Variants in SENP5 observed in about 807,000 individuals in gnomAD.
SENP5 encodes sentrin-specific protease 5.
SENP5 carries 21 observed loss-of-function variants against 74.2 expected under a neutral mutation model. That is an observed-to-expected ratio of 0.28 (90% confidence interval 0.20 to 0.41). SENP5 has a LOEUF of 0.41. SENP5 is among the 10% of genes least tolerant of loss of function. The pLI is 1.00. For synonymous variants in SENP5, 311 were observed against 312.7 expected (o/e 0.99, Z 0.06); for missense variants, 717 against 889.1 (o/e 0.81, Z 2.46).
At chr3:196,874,810 C>T (rs569845615) in intron 1 of SENP5, among the ~76,000 whole-genome samples, 4 of 151,702 alleles carry the variant, frequency 2.6e-5, no homozygotes, top group Non-Finnish European at 4.4e-5. Flanking sequence ...ACCCGGGAGG[C>T]GGAGGTTGCA....
chr3:196,920,592 C>T (rs1715577104), intron 6 of SENP5, among the ~76,000 whole-genome samples: 2 of 152,118 alleles, frequency 1.3e-5, no homozygotes, highest in South Asian at 4.1e-4. Context: ...GACATCTTTC[C>T]CTAGTTCTCA....
intron 5 of SENP5, among the ~76,000 whole-genome samples, chr3:196,902,375 C>T (rs1714735294): frequency 6.6e-6 from 1 of 152,314 alleles, no homozygotes; most frequent in African/African-American, 2.4e-5. Context: ...AAGTAATCCT[C>T]TCACCTCTGC....
chr3:196,882,859 A>G (rs1441944831), intron 1 of SENP5, among the ~76,000 whole-genome samples: 1 of 151,562 alleles, frequency 6.6e-6, no homozygotes, highest in Non-Finnish European at 1.5e-5. Flanking sequence ...CTCTTAACAC[A>G]TGGTGGAATG....
Position 196,932,933 on chromosome 3 carries a change from C to T in SENP5, c.*2010C>T, listed in dbSNP as rs1716090836. The T allele has an allele frequency of 6.6e-6, 1 of 150,444 alleles. No homozygotes were observed. Among genetic ancestry groups the T allele is most frequent in the Non-Finnish European group, 1.5e-5 (1 of 67,814 alleles). The allele number at this position is 150,444 out of a possible 1,614,324, so 9.3% of individuals were successfully genotyped here. On this transcript the variant is annotated 3_prime_UTR_variant, in exon 10 of 10. Transcript: ENST00000323460. ...AGAGAGCTGCCCAAATCCAGTGACT[C>T]TTCCACTTCCAGTCTCATGCTTCAT...
intron 6 of SENP5, among the ~76,000 whole-genome samples, chr3:196,907,904 A>AG (rs1326068047): frequency 3.0e-4 from 44 of 145,530 alleles, no homozygotes; most frequent in African/African-American, 6.1e-4. Flanking sequence ...AAAAAAAAAA[A>AG]AAACCCAGGT....
rs1716052319 is a variant in SENP5, at chr3:196,931,933, A to G, written c.*1010A>G. On this transcript the variant is annotated 3_prime_UTR_variant, in exon 10 of 10. Coordinates refer to ENST00000323460, the MANE Select transcript of SENP5 (RefSeq NM_152699.5). ...TTGCAGGTGGCTGGAGAGAAGAGGG[A>G]AGGTAATAGAGACAACTTAGTCCCA... is the stretch of plus-strand genomic sequence containing the variant. 1 of 454,932 alleles carries G rather than the reference A, an allele frequency of 2.2e-6. No individual in the cohort carries two copies. The highest frequency in any genetic ancestry group is 4.4e-6 in the Non-Finnish European group (1 of 226,358). The allele number at this position is 454,932 out of a possible 1,614,324, so 28.2% of individuals were successfully genotyped here. A position where few individuals can be genotyped will look rare whatever the true frequency, so the allele number is the denominator to read the frequency against.
At chr3:196,885,028 C>CA in intron 1 of SENP5, 123 bp from the exon 2 acceptor site, 3 of 605,464 alleles carry the variant, frequency 5.0e-6, no homozygotes, top group Non-Finnish European at 8.6e-6. Flanking sequence ...TCATTGTGTC[C>CA]AATAGTCTAA....
chr3:196,920,119 G>A (rs1355004435), intron 6 of SENP5, among the ~76,000 whole-genome samples: 2 of 152,170 alleles, frequency 1.3e-5, no homozygotes, highest in Non-Finnish European at 2.9e-5. Flanking sequence ...AAGCATGCTG[G>A]AATGATTGGG....
chr3:196,875,320 C>A (rs1425208205), intron 1 of SENP5, among the ~76,000 whole-genome samples: 2 of 152,124 alleles, frequency 1.3e-5, no homozygotes, highest in Non-Finnish European at 2.9e-5. Context: ...AGAAGCTGTC[C>A]CACTGTATCT....
Position 196,930,953 on chromosome 3 carries a change from C to A in SENP5, c.*30C>A. 4 of 1,357,712 alleles carry A rather than the reference C, an allele frequency of 2.9e-6. No individual in the cohort carries two copies. The highest frequency in any genetic ancestry group is 4.2e-6 in the Non-Finnish European group (4 of 946,532). 84.1% of individuals were successfully genotyped at this position (1,357,712 alleles called of 1,614,324 possible). On this transcript the variant is annotated 3_prime_UTR_variant, in exon 10 of 10. Coordinates refer to ENST00000323460, the MANE Select transcript of SENP5 (RefSeq NM_152699.5). ...CAGCAGGGACTCTGGGAAGTCTGAC[C>A]AAGTTGGAGCAGATGGTTTGTTACT...
At chr3:196,893,619 G>GT (rs1286844928) in intron 2 of SENP5, among the ~76,000 whole-genome samples, 1 of 152,038 alleles carries the variant, frequency 6.6e-6, no homozygotes, top group African/African-American at 2.4e-5. Flanking sequence ...TTCAAGAAGA[G>GT]TAAGTTTAGG....
At chr3:196,887,511 GT>G (rs113215771) in intron 2 of SENP5, among the ~76,000 whole-genome samples, 2,920 of 142,654 alleles carry the variant, frequency 0.02, 76 homozygotes, top group African/African-American at 0.066. Context: ...GATTGTTTCT[GT>G]TTTTTTTTTT....
intron 1 of SENP5, among the ~76,000 whole-genome samples, chr3:196,871,717 T>C (rs1713223204): frequency 6.6e-6 from 1 of 151,956 alleles, no homozygotes; most frequent in Admixed American, 6.6e-5. Flanking sequence ...TAGCTGGGCA[T>C]GGTGGCACAC....
At chr3:196,888,729 T>C (rs1357856979) in intron 2 of SENP5, among the ~76,000 whole-genome samples, 2 of 152,116 alleles carry the variant, frequency 1.3e-5, no homozygotes, top group African/African-American at 4.8e-5. Flanking sequence ...TGGACAGATA[T>C]TATTACCATT....
chr3:196,906,326 CATTAT>C (rs1714903318), intron 6 of SENP5, among the ~76,000 whole-genome samples: 2 of 152,136 alleles, frequency 1.3e-5, no homozygotes, highest in Non-Finnish European at 2.9e-5. Context: ...TAGTGCCAGA[CATTAT>C]AGTAAATCAA....
At chr3:196,892,608 C>T (rs1296534266) in intron 2 of SENP5, among the ~76,000 whole-genome samples, 1 of 152,134 alleles carries the variant, frequency 6.6e-6, no homozygotes, top group South Asian at 2.1e-4. Context: ...TTTCAAGACA[C>T]AGTACATTAT....
chr3:196,893,287 C>T (rs754814830), intron 2 of SENP5, among the ~76,000 whole-genome samples: 20 of 152,024 alleles, frequency 1.3e-4, no homozygotes, highest in Admixed American at 4.6e-4. Context: ...CATTTTTGCC[C>T]ATAATAGGAA....
At chr3:196,911,315 G>A (rs1715115466) in intron 6 of SENP5, among the ~76,000 whole-genome samples, 5 of 152,260 alleles carry the variant, frequency 3.3e-5, no homozygotes, top group South Asian at 4.1e-4. Flanking sequence ...CTACCCACCT[G>A]ACAAAGATCT....
chr3:196,879,946 G>GT (rs1409735778), intron 1 of SENP5, among the ~76,000 whole-genome samples: 5 of 151,968 alleles, frequency 3.3e-5, no homozygotes, highest in East Asian at 3.9e-4. Context: ...TTTTGTTTCA[G>GT]TTTTTTTTGT....
Sources: gnomAD v4.1 joint callset for allele counts (sites outside exome capture counted in the v4.1 genomes callset) on GRCh38, gnomAD v4.1.1 for gene constraint, MANE v1.5 for transcripts, NCBI Gene and HGNC (gene_info 2026-07-23, HGNC 2026-07-21) for gene names.